WDR93: variants seen among roughly 807,000 people sequenced by gnomAD.
WDR93 encodes WD repeat domain 93, also known as WD repeat-containing protein 93.
A neutral mutation model predicts 82.9 loss-of-function variants in WDR93; 73 were observed. The ratio of observed to expected loss-of-function variants is 0.88; its 90% CI spans 0.73 to 1.07. The LOEUF is 1.07. Among genes scored for constraint, WDR93 ranks in the 50% least tolerant of loss-of-function variants. The pLI is 0.00. For synonymous variants in WDR93, 283 were observed against 300.1 expected (o/e 0.94, Z 0.59); for missense variants, 738 against 826.0 (o/e 0.89, Z 1.31).
chr15:89,702,911 G>A (rs776222450), intron 2 of WDR93, 39 bp from the exon 3 acceptor site: 2 of 1,597,672 alleles, frequency 1.3e-6, no homozygotes, highest in Non-Finnish European at 1.7e-6. Flanking sequence ...TTTGAAGACA[G>A]TGACAACTGA....
chr15:89,715,614 C>T (rs558899686), intron 6 of WDR93, among the ~76,000 whole-genome samples: 8 of 152,116 alleles, frequency 5.3e-5, no homozygotes, highest in African/African-American at 1.9e-4. Flanking sequence ...TTTTGAGTCT[C>T]GCTCTGTTGC....
At chr15:89,713,180 A>G (rs944611584) in intron 5 of WDR93, among the ~76,000 whole-genome samples, 2 of 151,718 alleles carry the variant, frequency 1.3e-5, no homozygotes, top group Admixed American at 1.3e-4. Flanking sequence ...GAATCAAAGA[A>G]TTTTTGGACA....
intron 1 of WDR93, among the ~76,000 whole-genome samples, chr15:89,701,094 G>T (rs1412984410): frequency 6.6e-6 from 1 of 152,004 alleles, no homozygotes; most frequent in East Asian, 1.9e-4. Flanking sequence ...CAAATCTGTG[G>T]CACAGATAGA....
At chr15:89,731,848 C>G (rs1966862625) in intron 12 of WDR93, among the ~76,000 whole-genome samples, 1 of 152,218 alleles carries the variant, frequency 6.6e-6, no homozygotes, top group South Asian at 2.1e-4. Context: ...TTATTACACT[C>G]CAGTGAAGAA....
chr15:89,713,370 G>C (rs1231792162), intron 5 of WDR93, among the ~76,000 whole-genome samples: 1 of 151,998 alleles, frequency 6.6e-6, no homozygotes, highest in Non-Finnish European at 1.5e-5. Context: ...TTGTTGCCTT[G>C]ATTTTTAACC....
chr15:89,705,483 A>G (rs567031590), intron 3 of WDR93, 71 bp from the exon 4 acceptor site: 169 of 934,132 alleles, frequency 1.8e-4, no homozygotes, highest in Admixed American at 4.6e-4. Flanking sequence ...CACAAAGTCC[A>G]ATATAAAATT....
chr15:89,690,527 G>A (rs1329704107), upstream of WDR93: 25 of 1,422,758 alleles, frequency 1.8e-5, no homozygotes, highest in Non-Finnish European at 2.3e-5. Flanking sequence ...ATAGGCACGG[G>A]AGCCGAGTTA....
chr15:89,715,198 T>A lies in WDR93; in HGVS notation c.756+103T>A. ...TATGGTGAATGAGGCCTCTGGGCTA[T>A]AAGAGAGGACAACAGGAATATTGGC... On this transcript the variant is annotated intron_variant, in intron 6 of 16. Transcript: ENST00000268130. 3 of 911,792 alleles carry A rather than the reference T, an allele frequency of 3.3e-6. No individual in the cohort carries two copies. In the Admixed American group the frequency reaches 8.0e-5, roughly 24 times the overall value. The allele number at this position is 911,792 out of a possible 1,614,324, so 56.5% of individuals were successfully genotyped here.
intron 6 of WDR93, 48 bp from the exon 7 acceptor site, chr15:89,716,863 A>C: frequency 1.5e-6 from 2 of 1,341,098 alleles, no homozygotes; most frequent in Middle Eastern, 3.6e-4. Flanking sequence ...GGGGGTGGTA[A>C]ACATACATCA....
At chr15:89,703,295 G>C in intron 3 of WDR93, 153 bp downstream of exon 3, 2 of 753,622 alleles carry the variant, frequency 2.7e-6, no homozygotes, top group Admixed American at 4.9e-5. Flanking sequence ...GGTATGGTGG[G>C]TCAGATACTG....
chr15:89,732,901 T>C, intron 12 of WDR93, 105 bp from the exon 13 acceptor site: 1 of 1,093,792 alleles, frequency 9.1e-7, no homozygotes. Flanking sequence ...GATTTTGCCT[T>C]CACATCCTAC....
chr15:89,715,519 C>G (rs185674244), intron 6 of WDR93, among the ~76,000 whole-genome samples: 1 of 152,060 alleles, frequency 6.6e-6, no homozygotes, highest in East Asian at 1.9e-4. Flanking sequence ...TTTCTATTAT[C>G]CTTAGAAAGT....
chr15:89,704,348 G>C (rs1214090813), intron 3 of WDR93: 1 of 151,908 alleles, frequency 6.6e-6, no homozygotes, highest in African/African-American at 2.4e-5. Flanking sequence ...AAAAGAAAAA[G>C]TGTACTATGG....
chr15:89,738,842 C>T lies in WDR93; in HGVS notation c.1961+606C>T, dbSNP rs140079639. ...CTTAAAAGTATGTTTAGGCCAGGCC[C>T]GGTGGCTCATGCCTGTAATCCCAGC... On this transcript the variant is annotated intron_variant, in intron 16 of 16. Transcript: ENST00000268130. 3.3e-4 allele frequency among the ~76,000 whole-genome samples: 49 copies of T among 150,402 alleles called. No homozygotes were observed. The East Asian group carries it at 9.5e-3, about 29-fold the overall frequency.
chr15:89,713,546 C>T (rs1966097797), intron 5 of WDR93, among the ~76,000 whole-genome samples: 1 of 151,834 alleles, frequency 6.6e-6, no homozygotes, highest in South Asian at 2.1e-4. Context: ...GATCTCGGCT[C>T]ACTGTAACCT....
At position 89,703,155 on chromosome 15, in the gene WDR93, A is replaced by G. The variant is rs1251505355; in HGVS notation, c.496+13A>G. 5.0e-6 allele frequency: 8 copies of G among 1,614,054 alleles called. No individual in the cohort carries two copies. The highest frequency in any genetic ancestry group is 5.9e-6 in the Non-Finnish European group (7 of 1,179,916). On this transcript the variant is annotated intron_variant, in intron 3 of 16. Transcript: ENST00000268130. Reference sequence around the variant, plus strand: ...GTGGATGAAATGGGTATTGTTCTTCATCTTCCTTTTTAGCCTCATTTACAG... The same window carrying G: ...GTGGATGAAATGGGTATTGTTCTTCGTCTTCCTTTTTAGCCTCATTTACAG...
At chr15:89,720,270 G>A (rs573025874) in intron 7 of WDR93, among the ~76,000 whole-genome samples, 19 of 151,948 alleles carry the variant, frequency 1.3e-4, no homozygotes, top group African/African-American at 4.6e-4. Context: ...TTGACTAGTA[G>A]GTTTTTATTT....
chr15:89,727,258 C>T lies in WDR93; in HGVS notation c.982C>T (p.Gln328Ter), dbSNP rs1332820311. 6.2e-7 allele frequency: 1 copy of T among 1,613,994 alleles called. No homozygotes were observed. Among genetic ancestry groups the T allele is most frequent in the African/African-American group, 1.3e-5 (1 of 74,900 alleles). ...NHFIKDSQWE[Q>*]QAEIFNASYK... ...TTTCATCAAGGACAGTCAGTGGGAGCAGCAAGCTGAGATCTTCAACGCTTC... is the reference window on the plus strand; with the variant it reads ...TTTCATCAAGGACAGTCAGTGGGAGTAGCAAGCTGAGATCTTCAACGCTTC... The change falls in exon 9 of 17, where the codon CAG (glutamine) becomes TAG (stop). Residue 328 changes from glutamine (Q) to a stop codon, truncating the protein, a stop_gained. Coordinates refer to ENST00000268130, the MANE Select transcript of WDR93 (RefSeq NM_020212.2). LOFTEE classifies it high-confidence loss of function.
At chr15:89,697,995 T>G (rs1352872603) in intron 1 of WDR93, among the ~76,000 whole-genome samples, 1 of 151,288 alleles carries the variant, frequency 6.6e-6, no homozygotes, top group African/African-American at 2.4e-5. Flanking sequence ...TTCTCCTGCC[T>G]CAGCCTCCCA....
Sources: gnomAD v4.1 joint callset for allele counts (sites outside exome capture counted in the v4.1 genomes callset) on GRCh38, gnomAD v4.1.1 for gene constraint, MANE v1.5 for transcripts, NCBI Gene and HGNC (gene_info 2026-07-23, HGNC 2026-07-21) for gene names.